The following WDR27 variants were observed in gnomAD, a reference collection of about 807,000 sequenced individuals.
WDR27 encodes the protein WD repeat domain 27.
Under a neutral mutation model 114.4 loss-of-function variants are expected in WDR27, and 100 were observed. The ratio of observed to expected loss-of-function variants is 0.87; its 90% CI spans 0.74 to 1.03. The LOEUF is 1.03. Ranked by LOEUF, WDR27 falls within the 50% of genes least tolerant of loss-of-function variation. WDR27 has a pLI of 0.00. For synonymous variants in WDR27, 449 were observed against 423.1 expected (o/e 1.06, Z -0.75); for missense variants, 1,129 against 1,092.9 (o/e 1.03, Z -0.47).
At chr6:169,533,605 GC>G (rs1302639107) in intron 25 of WDR27, among the ~76,000 whole-genome samples, 11 of 152,154 alleles carry the variant, frequency 7.2e-5, no homozygotes, top group Non-Finnish European at 1.6e-4. Context: ...GAGGGAATGA[GC>G]AGAGATCCCA....
intron 14 of WDR27, among the ~76,000 whole-genome samples, chr6:169,650,041 C>T: frequency 6.7e-6 from 1 of 148,910 alleles, no homozygotes; most frequent in East Asian, 2.1e-4. Context: ...ATCCATCCCT[C>T]ATCTCCCCAT....
chr6:169,586,990 C>G (rs911478847), intron 23 of WDR27, among the ~76,000 whole-genome samples: 1 of 150,008 alleles, frequency 6.7e-6, no homozygotes, highest in African/African-American at 2.5e-5. Flanking sequence ...GTGTTTTTTT[C>G]CCTCCAAGGC....
intron 6 of WDR27, 119 bp from the exon 7 acceptor site, chr6:169,665,675 T>C: frequency 6.0e-6 from 6 of 997,830 alleles, no homozygotes; most frequent in Non-Finnish European, 8.7e-6. Flanking sequence ...TTTCTGTTAG[T>C]CAAGTTTGAA....
At chr6:169,429,562 G>T in the WDR27 span, among the ~76,000 whole-genome samples, 1 of 151,954 alleles carries the variant, frequency 6.6e-6, no homozygotes, top group African/African-American at 2.4e-5. Flanking sequence ...CACATTACTG[G>T]ACTCTTTCTA....
intron 10 of WDR27, among the ~76,000 whole-genome samples, chr6:169,660,278 G>A (rs999682742): frequency 2.0e-5 from 3 of 152,120 alleles, no homozygotes; most frequent in Non-Finnish European, 2.9e-5. Flanking sequence ...TTGGAGAGGA[G>A]TGCGCCTCGG....
At chr6:169,510,075 A>T (rs1393701148) in intron 25 of WDR27, among the ~76,000 whole-genome samples, 5 of 152,232 alleles carry the variant, frequency 3.3e-5, no homozygotes, top group Non-Finnish European at 7.3e-5. Flanking sequence ...TCGAAACCAC[A>T]ATGAGATACC....
chr6:169,492,649 C>G (rs79527798), intron 25 of WDR27, among the ~76,000 whole-genome samples: 1,530 of 152,024 alleles, frequency 0.01, 73 homozygotes, highest in Admixed American at 0.084. Flanking sequence ...GACTTACTTT[C>G]CATACCTCAC....
chr6:169,448,905 C>T, the WDR27 span, among the ~76,000 whole-genome samples: 149 of 152,334 alleles, frequency 9.8e-4, 1 homozygote, highest in Non-Finnish European at 1.8e-3. Context: ...AACATTATCA[C>T]GGCAAGAGTG....
intron 24 of WDR27, among the ~76,000 whole-genome samples, chr6:169,574,416 C>T (rs1320080174): frequency 6.7e-6 from 1 of 149,758 alleles, no homozygotes; most frequent in Non-Finnish European, 1.5e-5. Context: ...AGGGGATAAT[C>T]GTTCTCACAA....
At chr6:169,509,004 A>G (rs926366978) in intron 25 of WDR27, among the ~76,000 whole-genome samples, 3 of 152,202 alleles carry the variant, frequency 2.0e-5, no homozygotes, top group African/African-American at 7.2e-5. Context: ...AAATTTTCCA[A>G]ATCATGAGTG....
intron 18 of WDR27, 24 bp from the exon 19 acceptor site, chr6:169,636,528 T>G: frequency 6.3e-7 from 1 of 1,579,710 alleles, no homozygotes; most frequent in Non-Finnish European, 8.6e-7. Flanking sequence ...CAGTAATTAC[T>G]GTCAATATAA....
intron 21 of WDR27, among the ~76,000 whole-genome samples, chr6:169,625,281 G>T (rs997529203): frequency 6.6e-6 from 1 of 152,236 alleles, no homozygotes; most frequent in Admixed American, 6.5e-5. Flanking sequence ...GTAACGGATG[G>T]CTCTGTCCTC....
intron 25 of WDR27, among the ~76,000 whole-genome samples, chr6:169,495,761 G>T (rs941227920): frequency 1.3e-5 from 2 of 151,822 alleles, no homozygotes; most frequent in African/African-American, 4.8e-5. Context: ...TCAGTAGTAA[G>T]AATAATGAAT....
chr6:169,643,633 T>TAACCAGG, intron 17 of WDR27, 64 bp downstream of exon 17: 2 of 1,404,508 alleles, frequency 1.4e-6, no homozygotes, highest in East Asian at 4.7e-5. Context: ...TAGCAACTGA[T>TAACCAGG]AACCAGGACC....
intron 23 of WDR27, among the ~76,000 whole-genome samples, chr6:169,593,218 A>C (rs1324685772): frequency 6.6e-6 from 1 of 152,226 alleles, no homozygotes; most frequent in Non-Finnish European, 1.5e-5. Flanking sequence ...TTGATGTTTA[A>C]GAGGTTGGTA....
intron 23 of WDR27, among the ~76,000 whole-genome samples, chr6:169,595,680 G>A (rs1267994398): frequency 1.3e-5 from 2 of 151,656 alleles, no homozygotes; most frequent in African/African-American, 2.4e-5. Context: ...AAAGTATTCT[G>A]GTACCTTCAT....
At chr6:169,610,765 C>T (rs1810343474) in intron 22 of WDR27, among the ~76,000 whole-genome samples, 1 of 152,100 alleles carries the variant, frequency 6.6e-6, no homozygotes, top group African/African-American at 2.4e-5. Context: ...GAGCTGGAGG[C>T]CATTATTTTA....
At chr6:169,520,278 A>G (rs1794208932) in intron 25 of WDR27, among the ~76,000 whole-genome samples, 1 of 152,158 alleles carries the variant, frequency 6.6e-6, no homozygotes, top group East Asian at 1.9e-4. Flanking sequence ...GATAAGTGGT[A>G]CTCTGATTAT....
chr6:169,687,038 TTAGA>T (rs765623342), intron 2 of WDR27, among the ~76,000 whole-genome samples: 5 of 152,124 alleles, frequency 3.3e-5, no homozygotes, highest in Non-Finnish European at 4.4e-5. Flanking sequence ...AAAAATACAG[TTAGA>T]TAGTAAGAAT....
Sources: allele counts gnomAD v4.1 joint callset (sites outside exome capture counted in the v4.1 genomes callset), GRCh38; gene constraint gnomAD v4.1.1; transcripts MANE v1.5; gene names NCBI Gene and HGNC (gene_info 2026-07-23, HGNC 2026-07-21).